Variants in ALDH9A1 observed in about 807,000 individuals in gnomAD.
ALDH9A1 encodes aldehyde dehydrogenase 9 family member A1.
In ALDH9A1, 42 loss-of-function variants were observed where a neutral mutation model predicts 56.6. The observed-to-expected ratio is 0.74, with a 90% CI of 0.58 to 0.96. ALDH9A1 has a LOEUF of 0.96. ALDH9A1 is among the 40% of genes least tolerant of loss of function. The probability of loss-of-function intolerance (pLI) is 0.00; values close to 1 mark genes in which losing one functional copy is unlikely to be tolerated. For synonymous variants in ALDH9A1, 242 were observed against 236.0 expected, an observed-to-expected ratio of 1.03 and a Z score of -0.23; for missense variants, 661 against 651.5, an observed-to-expected ratio of 1.01 and a Z score of -0.16.
At chr1:165,670,572 CA>C (rs1208663591) in intron 6 of ALDH9A1, among the ~76,000 whole-genome samples, 1 of 151,854 alleles carries the variant, frequency 6.6e-6, no homozygotes, top group Non-Finnish European at 1.5e-5. Flanking sequence ...AAATTTTATG[CA>C]TGGCAAATAC....
chr1:165,667,393 G>A lies in ALDH9A1; in HGVS notation c.1265C>T (p.Ser422Phe), dbSNP rs748552899. 6.2e-6 allele frequency: 10 copies of A among 1,614,078 alleles called. No homozygotes were observed. In the Admixed American group the frequency reaches 8.3e-5, roughly 13 times the overall value. The change falls in exon 9 of 11, where the codon TCC becomes TTC. Residue 422 changes from serine to phenylalanine, a missense_variant. Ser to Phe is a radical substitution (Grantham distance 155). Transcript: ENST00000354775. ...AGCTTCAGTGTCAAATGATAAAATG[G>A]ACATAACAGGCCCAAAGATCTCTTC... ...VKEEIFGPVM[S>F]ILSFDTEAEV...
intron 9 of ALDH9A1, among the ~76,000 whole-genome samples, chr1:165,666,463 T>G (rs963754178): frequency 6.6e-6 from 1 of 152,186 alleles, no homozygotes; most frequent in Non-Finnish European, 1.5e-5. Flanking sequence ...GTTACCCGCC[T>G]TTGTAACCGG....
rs562289987 is a variant in ALDH9A1 at position 165,681,955 on chromosome 1, G to C, written c.592+152C>G. ...TTGAGGGGCAAGACAGGGCAGGAAC[G>C]AGCCATGTCCTCTGAGGCTTTGAAT... On this transcript the variant is annotated intron_variant, in intron 4 of 10. Coordinates refer to ENST00000354775, the MANE Select transcript of ALDH9A1 (RefSeq NM_000696.4). 67 of 1,004,254 alleles carry C rather than the reference G, an allele frequency of 6.7e-5. No individual in the cohort carries two copies. In the African/African-American group the frequency reaches 8.5e-4, roughly 13 times the overall value. The allele number at this position is 1,004,254 out of a possible 1,614,324, so 62.2% of individuals were successfully genotyped here.
chr1:165,690,573 G>C (rs1043588925), intron 2 of ALDH9A1, among the ~76,000 whole-genome samples: 1 of 152,118 alleles, frequency 6.6e-6, no homozygotes. Context: ...GGTTCACCTG[G>C]GAAGCACAAG....
chr1:165,680,354 T>C, intron 5 of ALDH9A1, 133 bp downstream of exon 5: 2 of 948,444 alleles, frequency 2.1e-6, no homozygotes, highest in Non-Finnish European at 3.2e-6. Context: ...CTCTGCCTAA[T>C]AAAATCTCCT....
intron 1 of ALDH9A1, among the ~76,000 whole-genome samples, chr1:165,695,873 C>T (rs1267183368): frequency 8.0e-5 from 12 of 149,104 alleles, no homozygotes; most frequent in South Asian, 4.3e-4. Flanking sequence ...TTTTTTAAGA[C>T]GGAGTCTCGC....
chr1:165,685,429 T>A (rs779120425), intron 2 of ALDH9A1, among the ~76,000 whole-genome samples: 2 of 152,238 alleles, frequency 1.3e-5, no homozygotes, highest in Non-Finnish European at 2.9e-5. Flanking sequence ...AATAGCTATA[T>A]ACATCTCAAG....
chr1:165,679,665 A>G (rs1649483106), intron 5 of ALDH9A1, 83 bp from the exon 6 acceptor site: 18 of 1,432,854 alleles, frequency 1.3e-5, no homozygotes, highest in Middle Eastern at 1.9e-4. Context: ...AACCTACAAA[A>G]TCATCTTGAA....
intron 1 of ALDH9A1, 134 bp downstream of exon 1, chr1:165,698,244 C>T (rs1044212543): frequency 7.2e-7 from 1 of 1,398,138 alleles, no homozygotes; most frequent in African/African-American, 1.5e-5. Flanking sequence ...TGCCTACACA[C>T]ACAACCTTAG....
chr1:165,689,103 A>G (rs558348142), intron 2 of ALDH9A1, among the ~76,000 whole-genome samples: 2 of 152,186 alleles, frequency 1.3e-5, no homozygotes, highest in Non-Finnish European at 2.9e-5. Context: ...CATTCACAGG[A>G]AAAAAAATGG....
chr1:165,682,183 C>G lies in ALDH9A1; in HGVS notation c.516G>C (p.Gly172=). The stretch of plus-strand genomic sequence containing the variant: ...TCCATGCTCCTATTCCCACACATAC[C>G]CCAAGTGGTTCTCTTCTGGTATAAC... ...SFGYTRREPL[G]VCVGIGAWNY... Residue 172 remains glycine, a synonymous_variant, in exon 4 of 11, where the codon GGG becomes GGC. Transcript: ENST00000354775. 6.2e-7 allele frequency: 1 copy of G among 1,613,974 alleles called. No individual in the cohort carries two copies. The highest frequency in any genetic ancestry group is 8.5e-7 in the Non-Finnish European group (1 of 1,179,912).
intron 2 of ALDH9A1, among the ~76,000 whole-genome samples, chr1:165,686,154 A>G (rs1649700053): frequency 6.6e-6 from 1 of 152,206 alleles, no homozygotes; most frequent in Non-Finnish European, 1.5e-5. Context: ...AAAACACCAG[A>G]TAAAATACAT....
At chr1:165,670,208 G>C (rs577419571) in intron 6 of ALDH9A1, among the ~76,000 whole-genome samples, 1 of 152,154 alleles carries the variant, frequency 6.6e-6, no homozygotes, top group Non-Finnish European at 1.5e-5. Context: ...CAAGGTGGGC[G>C]GATCACTTGA....
intron 8 of ALDH9A1, 82 bp downstream of exon 8, chr1:165,668,844 T>C: frequency 8.6e-7 from 1 of 1,160,286 alleles, no homozygotes; most frequent in Non-Finnish European, 1.3e-6. Flanking sequence ...CTTTATATCA[T>C]GTACATATTT....
intron 6 of ALDH9A1, among the ~76,000 whole-genome samples, chr1:165,670,987 G>A (rs1649161363): frequency 1.3e-5 from 2 of 152,242 alleles, no homozygotes; most frequent in East Asian, 1.9e-4. Flanking sequence ...GGGAGAACTA[G>A]TTCAACGTGG....
At chr1:165,695,129 G>C (rs1398939232) in intron 2 of ALDH9A1, 123 bp downstream of exon 2, 1 of 1,135,352 alleles carries the variant, frequency 8.8e-7, no homozygotes. Flanking sequence ...TGAGCATGTG[G>C]AAATGTTTTT....
chr1:165,682,279 G>A (rs775997700), intron 3 of ALDH9A1, 38 bp from the exon 4 acceptor site: 1 of 1,603,400 alleles, frequency 6.2e-7, no homozygotes, highest in East Asian at 2.2e-5. Flanking sequence ...ATGCAGGTCT[G>A]TGCTCCCCAA....
intron 1 of ALDH9A1, among the ~76,000 whole-genome samples, chr1:165,697,957 A>T (rs1274713498): frequency 6.6e-6 from 1 of 152,198 alleles, no homozygotes; most frequent in Admixed American, 6.5e-5. Flanking sequence ...TGAGCCCGTA[A>T]GGTAGAGGGC....
At chr1:165,697,918 A>C (rs984182439) in intron 1 of ALDH9A1, among the ~76,000 whole-genome samples, 1 of 151,768 alleles carries the variant, frequency 6.6e-6, no homozygotes, top group Admixed American at 6.6e-5. Flanking sequence ...AATCCCAGCT[A>C]CCAGGGAGGC....
Sources: allele counts gnomAD v4.1 joint callset (sites outside exome capture counted in the v4.1 genomes callset), GRCh38; gene constraint gnomAD v4.1.1; transcripts MANE v1.5; gene names NCBI Gene and HGNC (gene_info 2026-07-23, HGNC 2026-07-21).